The following ZNF880 variants were observed in gnomAD, a reference collection of about 807,000 sequenced individuals.
The protein encoded by ZNF880 is zinc finger protein LOC400713.
ZNF880 carries 12 observed loss-of-function variants against 11.8 expected under a neutral mutation model. The observed-to-expected ratio is 1.02, with a 90% CI of 0.65 to 1.65. The LOEUF (loss-of-function observed/expected upper bound fraction) is 1.65. Among genes scored for constraint, ZNF880 ranks in the 40% most tolerant of loss-of-function variants. The pLI, the probability that ZNF880 is intolerant of heterozygous loss-of-function variation, is 0.00. For missense variants in ZNF880, 601 were observed against 673.9 expected, an observed-to-expected ratio of 0.89 and a Z score of 1.20; for synonymous variants, 210 against 232.4, an observed-to-expected ratio of 0.90 and a Z score of 0.88.
chr19:52,378,669 A>T (rs1238748547), intron 3 of ZNF880, among the ~76,000 whole-genome samples: 1 of 150,484 alleles, frequency 6.6e-6, no homozygotes, highest in Admixed American at 6.7e-5. Flanking sequence ...AAAAAAAAGA[A>T]AGATCCTTTA....
intron 1 of ZNF880, among the ~76,000 whole-genome samples, chr19:52,371,123 C>T (rs1339719109): frequency 1.3e-5 from 2 of 152,118 alleles, no homozygotes; most frequent in African/African-American, 4.8e-5. Flanking sequence ...AGTTTATATA[C>T]GTCTTATATC....
the ZNF880 span, among the ~76,000 whole-genome samples, chr19:52,393,815 T>C: frequency 0.26 from 37,770 of 147,504 alleles, 5,175 homozygotes; most frequent in South Asian, 0.41. Flanking sequence ...TTGTTTCACA[T>C]GTATTTCTTT....
Position 52,384,103 on chromosome 19 carries a change from CA to C in ZNF880, c.528del (p.Ala177HisfsTer3). The C allele has an allele frequency of 6.3e-7, 1 of 1,595,476 alleles. No homozygotes were observed. The highest frequency in any genetic ancestry group is 1.3e-5 in the African/African-American group (1 of 74,462). ...TGATTCTCCATTTCTCCCACAAGAACAAAAAGCACAAATAAGGGAAAAACCG... is the reference window on the plus strand; with the variant it reads ...TGATTCTCCATTTCTCCCACAAGAACAAAAGCACAAATAAGGGAAAAACCG... ...FDDSPFLPQE[Q>X]KAQIREKPCE... On this transcript the variant is annotated frameshift_variant, in exon 4 of 4. Coordinates refer to ENST00000422689, the MANE Select transcript of ZNF880 (RefSeq NM_001145434.2). LOFTEE classifies it low-confidence loss of function (END_TRUNC).
intron 1 of ZNF880, among the ~76,000 whole-genome samples, chr19:52,372,131 G>C (rs1242473185): frequency 1.3e-5 from 2 of 151,722 alleles, no homozygotes; most frequent in Non-Finnish European, 2.9e-5. Flanking sequence ...GGATGTTGCA[G>C]TGAGCCAAGA....
the ZNF880 span, among the ~76,000 whole-genome samples, chr19:52,393,862 A>T: frequency 6.1e-5 from 6 of 98,920 alleles, no homozygotes; most frequent in Non-Finnish European, 1.1e-4. Flanking sequence ...TTTGAGACGG[A>T]GTCTTGCTCT....
chr19:52,369,510 A>G (rs1047086158), upstream of ZNF880, among the ~76,000 whole-genome samples: 5 of 151,620 alleles, frequency 3.3e-5, no homozygotes, highest in African/African-American at 4.9e-5. Context: ...ATATTTATTT[A>G]TTTTAATTAT....
intron 3 of ZNF880, among the ~76,000 whole-genome samples, chr19:52,377,821 C>T (rs939451210): frequency 2.0e-5 from 3 of 152,126 alleles, no homozygotes; most frequent in African/African-American, 7.2e-5. Flanking sequence ...TGGAAGATCT[C>T]GTGACCCCAT....
intron 1 of ZNF880, 49 bp from the exon 2 acceptor site, chr19:52,373,062 T>C (rs1266650951): frequency 4.4e-6 from 7 of 1,603,452 alleles, no homozygotes; most frequent in Non-Finnish European, 5.1e-6. Context: ...TACAACTGTC[T>C]CCTCATTTTG....
chr19:52,382,425 T>A (rs1447056173), intron 3 of ZNF880, among the ~76,000 whole-genome samples: 1 of 152,204 alleles, frequency 6.6e-6, no homozygotes, highest in African/African-American at 2.4e-5. Flanking sequence ...TTTTATTTTA[T>A]ATTGAAGGAG....
At chr19:52,369,833 G>T (rs1319042841), upstream of ZNF880, 2 of 1,189,864 alleles carry the variant, frequency 1.7e-6, no homozygotes, top group Admixed American at 2.0e-5. Context: ...CCTCCAAAAC[G>T]AGACGAGCTG....
chr19:52,393,892 A>G, the ZNF880 span, among the ~76,000 whole-genome samples: 5 of 126,290 alleles, frequency 4.0e-5, no homozygotes, highest in African/African-American at 9.0e-5. Context: ...GCTGGAGTGC[A>G]GTGGCGCGAT....
intron 1 of ZNF880, among the ~76,000 whole-genome samples, chr19:52,372,374 G>A (rs1411197111): frequency 5.6e-5 from 8 of 142,868 alleles, no homozygotes; most frequent in African/African-American, 1.5e-4. Context: ...TGCAAGCTCC[G>A]CCTCCCAGGT....
chr19:52,372,016 C>G (rs983988912), intron 1 of ZNF880, among the ~76,000 whole-genome samples: 3 of 151,808 alleles, frequency 2.0e-5, no homozygotes, highest in Admixed American at 2.0e-4. Context: ...TAGTGAAAAC[C>G]TGTCTCTACT....
At chr19:52,366,951 T>C, upstream of ZNF880, 1 of 570,514 alleles carries the variant, frequency 1.8e-6, no homozygotes, top group Non-Finnish European at 3.1e-6. Context: ...ATATAAATAA[T>C]CTATAAAGAG....
In ZNF880 at chr19:52,374,351, TC is replaced by T; in HGVS notation, c.196del (p.Arg66GlyfsTer7). On this transcript the variant is annotated frameshift_variant, in exon 3 of 4. Transcript: ENST00000422689. LOFTEE classifies it high-confidence loss of function. ...TCTCCATGTTGGAGCAAAGGAGAGA[TC>T]CCCGGAATCTGCAGAGTGAAGTGAA... The part of the protein sequence containing the change: ...VISMLEQRRD[P>X]RNLQSEVKIA... The T allele has an allele frequency of 1.2e-6, 2 of 1,613,594 alleles. No homozygotes were observed. The highest frequency in any genetic ancestry group is 8.5e-7 in the Non-Finnish European group (1 of 1,179,844).
intron 3 of ZNF880, chr19:52,379,742 C>T (rs1031954617): frequency 3.4e-5 from 6 of 175,348 alleles, no homozygotes; most frequent in African/African-American, 1.4e-4. Context: ...CTGTACCCGG[C>T]TCTGATATTT....
intron 1 of ZNF880, among the ~76,000 whole-genome samples, chr19:52,371,249 C>G (rs1456733716): frequency 6.6e-6 from 1 of 152,026 alleles, no homozygotes; most frequent in Non-Finnish European, 1.5e-5. Flanking sequence ...GATACATGTG[C>G]GACAGTTTCT....
At chr19:52,369,634 G>C (rs1178985396), upstream of ZNF880, among the ~76,000 whole-genome samples, 2 of 151,972 alleles carry the variant, frequency 1.3e-5, no homozygotes, top group Non-Finnish European at 2.9e-5. Flanking sequence ...CCACCTCATG[G>C]GCTCAAGCGA....
the ZNF880 span, among the ~76,000 whole-genome samples, chr19:52,394,593 C>T: frequency 6.6e-6 from 1 of 151,834 alleles, no homozygotes. Context: ...TTACATTTTT[C>T]TTGTTCTAGA....
Sources: gnomAD v4.1 joint callset for allele counts (sites outside exome capture counted in the v4.1 genomes callset) on GRCh38, gnomAD v4.1.1 for gene constraint, MANE v1.5 for transcripts, NCBI Gene and HGNC (gene_info 2026-07-23, HGNC 2026-07-21) for gene names.